Variants in LRMDA observed in about 807,000 individuals in gnomAD.
LRMDA encodes the protein leucine-rich melanocyte differentiation-associated protein.
Under a neutral mutation model 29.8 loss-of-function variants are expected in LRMDA, and 18 were observed. The ratio of observed to expected loss-of-function variants is 0.60; its 90% CI spans 0.42 to 0.90. The LOEUF is 0.90. Among genes scored for constraint, LRMDA ranks in the 40% least tolerant of loss-of-function variants. LRMDA has a pLI of 0.00. For missense variants in LRMDA, 273 were observed against 273.9 expected (o/e 1.00, Z 0.02); for synonymous variants, 125 against 109.4 (o/e 1.14, Z -0.89).
chr10:75,445,888 C>T (rs1462711763), intron 2 of LRMDA, among the ~76,000 whole-genome samples: 1 of 152,248 alleles, frequency 6.6e-6, no homozygotes, highest in Admixed American at 6.5e-5. Context: ...TATTTTGCAT[C>T]ACTCTGATAA....
intron 2 of LRMDA, among the ~76,000 whole-genome samples, chr10:75,760,028 T>A (rs759738947): frequency 1.3e-5 from 2 of 152,228 alleles, no homozygotes; most frequent in Non-Finnish European, 2.9e-5. Context: ...AGTCACCGCT[T>A]TCATTAAAAG....
At chr10:76,290,653 C>T (rs1175315296) in intron 5 of LRMDA, among the ~76,000 whole-genome samples, 2 of 152,010 alleles carry the variant, frequency 1.3e-5, no homozygotes, top group East Asian at 3.9e-4. Context: ...AACTCTTAAC[C>T]TTAGGTGATC....
At chr10:76,201,534 A>C (rs542224389) in intron 5 of LRMDA, among the ~76,000 whole-genome samples, 70 of 152,344 alleles carry the variant, frequency 4.6e-4, no homozygotes, top group African/African-American at 1.6e-3. Context: ...GGTATGTCTG[A>C]GTCCCTGTTA....
chr10:75,982,938 C>G (rs1564622715), intron 2 of LRMDA, among the ~76,000 whole-genome samples: 1 of 152,140 alleles, frequency 6.6e-6, no homozygotes, highest in Non-Finnish European at 1.5e-5. Flanking sequence ...CATTCATATC[C>G]CTGTTTTGTG....
intron 2 of LRMDA, among the ~76,000 whole-genome samples, chr10:75,765,512 A>G (rs1843151472): frequency 1.3e-5 from 2 of 152,308 alleles, no homozygotes; most frequent in South Asian, 2.1e-4. Flanking sequence ...TTTACTTCAC[A>G]TGGCAATTTA....
At chr10:76,447,748 G>A (rs1398420351) in intron 6 of LRMDA, among the ~76,000 whole-genome samples, 1 of 152,166 alleles carries the variant, frequency 6.6e-6, no homozygotes, top group Non-Finnish European at 1.5e-5. Flanking sequence ...GACCCTACGA[G>A]TTTTATGCTG....
chr10:75,693,014 A>C (rs1842190828), intron 2 of LRMDA, among the ~76,000 whole-genome samples: 2 of 152,082 alleles, frequency 1.3e-5, no homozygotes, highest in Non-Finnish European at 2.9e-5. Context: ...CCTGTTCAGG[A>C]GCATAGAGCT....
intron 5 of LRMDA, among the ~76,000 whole-genome samples, chr10:76,192,649 A>C (rs893377370): frequency 2.2e-4 from 34 of 152,352 alleles, no homozygotes; most frequent in African/African-American, 8.2e-4. Flanking sequence ...GATGTGATTT[A>C]AGCAGCAACA....
At chr10:75,682,739 G>A (rs981346387) in intron 2 of LRMDA, among the ~76,000 whole-genome samples, 1 of 151,924 alleles carries the variant, frequency 6.6e-6, no homozygotes, top group Non-Finnish European at 1.5e-5. Flanking sequence ...CTTGGAGGGG[G>A]TGGTGAAGTT....
intron 2 of LRMDA, among the ~76,000 whole-genome samples, chr10:75,693,371 G>A (rs1396643187): frequency 6.6e-6 from 1 of 152,196 alleles, no homozygotes; most frequent in Non-Finnish European, 1.5e-5. Context: ...GCAAAAGGAT[G>A]TTATGGGAGC....
intron 6 of LRMDA, among the ~76,000 whole-genome samples, chr10:76,464,281 A>G (rs1842542868): frequency 6.6e-6 from 1 of 152,128 alleles, no homozygotes. Context: ...AGAGAAGGGT[A>G]TTCCCGGAAG....
At chr10:76,221,827 A>C (rs1851845641) in intron 5 of LRMDA, among the ~76,000 whole-genome samples, 2 of 152,148 alleles carry the variant, frequency 1.3e-5, no homozygotes, top group Admixed American at 6.5e-5. Context: ...CCTAAGCCAA[A>C]AGAACAAAGC....
chr10:76,329,957 T>A (rs1344212219), intron 6 of LRMDA, among the ~76,000 whole-genome samples: 1 of 152,052 alleles, frequency 6.6e-6, no homozygotes, highest in Non-Finnish European at 1.5e-5. Context: ...AAAGTGAAAG[T>A]GAATAAAAGG....
chr10:75,787,452 T>C (rs1244498131), intron 2 of LRMDA, among the ~76,000 whole-genome samples: 1 of 152,140 alleles, frequency 6.6e-6, no homozygotes, highest in Admixed American at 6.5e-5. Flanking sequence ...TTTTTGGCAG[T>C]TGGTGAACTT....
intron 2 of LRMDA, among the ~76,000 whole-genome samples, chr10:75,788,434 G>A (rs1284621374): frequency 6.6e-6 from 1 of 152,158 alleles, no homozygotes; most frequent in Non-Finnish European, 1.5e-5. Flanking sequence ...GAAGAAGAAG[G>A]GGAGAGGAAA....
At chr10:76,552,726 C>T (rs756549862) in intron 6 of LRMDA, among the ~76,000 whole-genome samples, 3 of 152,152 alleles carry the variant, frequency 2.0e-5, no homozygotes, top group Non-Finnish European at 4.4e-5. Context: ...GCAGGTCTTC[C>T]CCCACTTCCC....
intron 2 of LRMDA, among the ~76,000 whole-genome samples, chr10:75,914,163 T>C (rs1350374371): frequency 2.0e-5 from 3 of 152,130 alleles, no homozygotes; most frequent in Non-Finnish European, 4.4e-5. Flanking sequence ...TTCTCAAAAA[T>C]AGTCAAAACA....
chr10:76,304,022 A>T (rs1048036887), intron 5 of LRMDA, among the ~76,000 whole-genome samples: 8 of 152,090 alleles, frequency 5.3e-5, no homozygotes, highest in African/African-American at 1.9e-4. Flanking sequence ...GGCTTTCTCT[A>T]ACCTTTCTAG....
At chr10:75,934,462 C>T (rs949510969) in intron 2 of LRMDA, among the ~76,000 whole-genome samples, 5 of 152,090 alleles carry the variant, frequency 3.3e-5, no homozygotes, top group African/African-American at 4.8e-5. Context: ...TTTCTCTGAA[C>T]CTTGAGTTGA....
Sources: gnomAD v4.1 joint callset for allele counts (sites outside exome capture counted in the v4.1 genomes callset) on GRCh38, gnomAD v4.1.1 for gene constraint, MANE v1.5 for transcripts, NCBI Gene and HGNC (gene_info 2026-07-23, HGNC 2026-07-21) for gene names.